The following STK4 variants were observed in gnomAD, a reference collection of about 807,000 sequenced individuals.
STK4 encodes the protein serine/threonine kinase 4.
A neutral mutation model predicts 64.9 loss-of-function variants in STK4; 30 were observed. The observed-to-expected ratio is 0.46, with a 90% CI of 0.35 to 0.63. The LOEUF (loss-of-function observed/expected upper bound fraction) is 0.63. Ranked by LOEUF, STK4 falls within the 20% of genes least tolerant of loss-of-function variation. STK4 has a pLI of 0.01. For synonymous variants in STK4, 177 were observed against 199.0 expected (o/e 0.89, Z 0.93); for missense variants, 466 against 598.5 (o/e 0.78, Z 2.31).
rs977035947 is a variant in STK4, at chr20:45,078,101, C to T, written c.*2925C>T. ...TGTTATTGCTTGAGCATTTGGAACT[C>T]GAGCTTCCAGAGAAATTTGAGGTCC... On this transcript the variant is annotated 3_prime_UTR_variant, in exon 11 of 11. Transcript: ENST00000372806. The T allele has an allele frequency of 1.4e-4, 22 of 152,080 alleles. No individual in the cohort carries two copies. Among genetic ancestry groups the T allele is most frequent in the African/African-American group, 4.1e-4 (17 of 41,468 alleles). The allele number at this position is 152,080 out of a possible 1,614,324, so 9.4% of individuals were successfully genotyped here.
chr20:44,978,786 T>G (rs888389620), intron 3 of STK4, among the ~76,000 whole-genome samples: 2 of 151,904 alleles, frequency 1.3e-5, no homozygotes, highest in Non-Finnish European at 1.5e-5. Context: ...GTTTTGTTTT[T>G]TTTTTTCAAT....
chr20:45,013,312 A>T (rs909054037), intron 9 of STK4, among the ~76,000 whole-genome samples: 2 of 152,066 alleles, frequency 1.3e-5, no homozygotes, highest in African/African-American at 2.4e-5. Context: ...AAAATTCTTT[A>T]ATTAATGTTG....
chr20:45,053,344 A>G (rs1205555736), intron 10 of STK4, among the ~76,000 whole-genome samples: 1 of 152,210 alleles, frequency 6.6e-6, no homozygotes, highest in East Asian at 1.9e-4. Flanking sequence ...TTAAAACAGT[A>G]TCAGCCTGTG....
intron 10 of STK4, among the ~76,000 whole-genome samples, chr20:45,046,838 C>T (rs2068704082): frequency 6.6e-6 from 1 of 151,978 alleles, no homozygotes; most frequent in African/African-American, 2.4e-5. Context: ...CCTGCCACCA[C>T]ATCTGGCTAA....
chr20:44,993,799 C>A (rs1005358806), intron 5 of STK4, among the ~76,000 whole-genome samples: 1 of 152,110 alleles, frequency 6.6e-6, no homozygotes, highest in South Asian at 2.1e-4. Flanking sequence ...GCCAATGTGG[C>A]GAGACCTTGT....
chr20:44,990,866 T>G (rs1205955307), intron 5 of STK4, among the ~76,000 whole-genome samples: 1 of 152,122 alleles, frequency 6.6e-6, no homozygotes, highest in Non-Finnish European at 1.5e-5. Flanking sequence ...CACCCCTCTT[T>G]TCTCTGCCTG....
At chr20:45,013,897 TC>T (rs2068095843) in intron 9 of STK4, among the ~76,000 whole-genome samples, 1 of 152,094 alleles carries the variant, frequency 6.6e-6, no homozygotes, top group South Asian at 2.1e-4. Context: ...ACATATGTCA[TC>T]CAAAATAATA....
chr20:45,002,880 C>T (rs1228293547), intron 9 of STK4, among the ~76,000 whole-genome samples: 2 of 150,414 alleles, frequency 1.3e-5, no homozygotes, highest in East Asian at 1.9e-4. Context: ...CATGCTATGA[C>T]ATCAGTGGTA....
At chr20:44,997,017 T>G in intron 6 of STK4, 152 bp from the exon 7 acceptor site, 1 of 1,014,526 alleles carries the variant, frequency 9.9e-7, no homozygotes. Context: ...AACCATCAGA[T>G]GCTTAGACTT....
intron 9 of STK4, among the ~76,000 whole-genome samples, chr20:45,002,763 C>A (rs2067863800): frequency 6.6e-6 from 1 of 152,138 alleles, no homozygotes; most frequent in Non-Finnish European, 1.5e-5. Flanking sequence ...AATTAGTAAA[C>A]ACTTTGTAAA....
At chr20:45,016,837 A>G (rs1437313369) in intron 9 of STK4, among the ~76,000 whole-genome samples, 3 of 152,222 alleles carry the variant, frequency 2.0e-5, no homozygotes, top group Non-Finnish European at 2.9e-5. Context: ...GAACATAGGA[A>G]AGTGAATCAC....
chr20:44,982,029 C>A, intron 4 of STK4, 86 bp downstream of exon 4: 1 of 833,770 alleles, frequency 1.2e-6, no homozygotes, highest in Non-Finnish European at 2.0e-6. Context: ...CATTCTCCTA[C>A]TAGAGAGACG....
chr20:44,993,782 C>A (rs2067678079), intron 5 of STK4, among the ~76,000 whole-genome samples: 1 of 152,134 alleles, frequency 6.6e-6, no homozygotes. Context: ...AGTTTGAGAC[C>A]AGCCTGGCCA....
intron 3 of STK4, among the ~76,000 whole-genome samples, chr20:44,981,222 T>A (rs1213270505): frequency 6.6e-6 from 1 of 152,090 alleles, no homozygotes; most frequent in African/African-American, 2.4e-5. Context: ...TGGCGCGATT[T>A]CGGCTCGCTG....
At chr20:45,059,680 C>T (rs1978820496) in intron 10 of STK4, among the ~76,000 whole-genome samples, 1 of 152,152 alleles carries the variant, frequency 6.6e-6, no homozygotes. Context: ...CTTTGGTTGA[C>T]TGTGGGTAAC....
intron 10 of STK4, chr20:45,053,330 T>G: frequency 1.6e-6 from 1 of 632,068 alleles, no homozygotes; most frequent in Admixed American, 2.9e-5. Flanking sequence ...CCTCAAGAGG[T>G]TGCTTAAAAC....
chr20:45,067,279 A>G (rs1032847394), intron 10 of STK4, among the ~76,000 whole-genome samples: 2 of 152,094 alleles, frequency 1.3e-5, no homozygotes, highest in African/African-American at 4.8e-5. Flanking sequence ...ACAAAACATC[A>G]CCTGAGACGG....
chr20:45,037,507 A>G (rs1025164344), intron 10 of STK4, among the ~76,000 whole-genome samples: 2 of 152,192 alleles, frequency 1.3e-5, no homozygotes, highest in Non-Finnish European at 2.9e-5. Flanking sequence ...ATCAGGATAT[A>G]AAACCACCAA....
intron 4 of STK4, 121 bp downstream of exon 4, chr20:44,982,064 G>T: frequency 3.7e-6 from 2 of 540,722 alleles, no homozygotes; most frequent in Non-Finnish European, 6.5e-6. Flanking sequence ...CCTTTTCCAT[G>T]GTTATTTTCC....
Sources: gnomAD v4.1 joint callset for allele counts (sites outside exome capture counted in the v4.1 genomes callset) on GRCh38, gnomAD v4.1.1 for gene constraint, MANE v1.5 for transcripts, NCBI Gene and HGNC (gene_info 2026-07-23, HGNC 2026-07-21) for gene names.